Variants in PDE11A observed in about 807,000 individuals in gnomAD.
PDE11A encodes phosphodiesterase 11A, also known as dual 3',5'-cyclic-AMP and -GMP phosphodiesterase 11A.
Under a neutral mutation model 100.5 loss-of-function variants are expected in PDE11A, and 100 were observed. The ratio of observed to expected loss-of-function variants is 1.00; its 90% confidence interval spans 0.85 to 1.18. The LOEUF (loss-of-function observed/expected upper bound fraction) is 1.18, where lower values mean the gene tolerates loss of function less well. PDE11A is among the 50% of genes most tolerant of loss of function. PDE11A has a pLI of 0.00. For synonymous variants in PDE11A, 381 were observed against 420.8 expected, an observed-to-expected ratio of 0.91 and a Z score of 1.16; for missense variants, 1,141 against 1,152.6, an observed-to-expected ratio of 0.99 and a Z score of 0.15.
intron 2 of PDE11A, among the ~76,000 whole-genome samples, chr2:178,002,674 T>C (rs1473687158): frequency 1.3e-5 from 2 of 152,128 alleles, no homozygotes; most frequent in Admixed American, 6.6e-5. Flanking sequence ...TAAAAAATTA[T>C]GCCAGTTACA....
At chr2:178,027,267 A>G (rs1370334444) in intron 1 of PDE11A, among the ~76,000 whole-genome samples, 1 of 152,172 alleles carries the variant, frequency 6.6e-6, no homozygotes, top group African/African-American at 2.4e-5. Flanking sequence ...TAGACACAAT[A>G]CCACTAAAAA....
chr2:177,769,948 G>A (rs1323224735), intron 9 of PDE11A, among the ~76,000 whole-genome samples: 2 of 149,292 alleles, frequency 1.3e-5, no homozygotes, highest in African/African-American at 2.5e-5. Flanking sequence ...CAAAGGATGT[G>A]AATACTTGTC....
intron 1 of PDE11A, among the ~76,000 whole-genome samples, chr2:178,019,741 T>C (rs970355518): frequency 4.6e-5 from 7 of 152,188 alleles, no homozygotes; most frequent in Non-Finnish European, 8.8e-5. Flanking sequence ...AAGTTGAGTC[T>C]GTAGTACTTC....
At chr2:177,936,909 A>G (rs1478083719) in intron 2 of PDE11A, among the ~76,000 whole-genome samples, 1 of 150,684 alleles carries the variant, frequency 6.6e-6, no homozygotes, top group East Asian at 1.9e-4. Context: ...GTGACAAGAG[A>G]AGGATTCCAT....
chr2:177,728,753 A>G (rs1193610510), intron 10 of PDE11A, among the ~76,000 whole-genome samples: 1 of 152,174 alleles, frequency 6.6e-6, no homozygotes, highest in Non-Finnish European at 1.5e-5. Flanking sequence ...GGTTTAGCAT[A>G]AGCCTATGTT....
intron 10 of PDE11A, among the ~76,000 whole-genome samples, chr2:177,746,299 T>C (rs1189306901): frequency 6.6e-6 from 1 of 151,966 alleles, no homozygotes; most frequent in African/African-American, 2.4e-5. Flanking sequence ...CATAGAAAGA[T>C]ACAAAAATTT....
At chr2:177,746,068 T>C (rs1164893120) in intron 10 of PDE11A, among the ~76,000 whole-genome samples, 2 of 152,026 alleles carry the variant, frequency 1.3e-5, no homozygotes, top group African/African-American at 4.8e-5. Flanking sequence ...TAACAAGGCA[T>C]AGGAAGAACC....
rs544898099 is a variant in PDE11A, at chr2:177,843,254, CA to C, written c.1368-2872del. On this transcript the variant is annotated intron_variant, in intron 5 of 19. Transcript: ENST00000286063. Reference sequence around the variant, plus strand: ...CTTTCCCAAGTGGAGATAGAATTTTCACCTAAATCTGACCCCAACATCCTAA... The same window carrying C: ...CTTTCCCAAGTGGAGATAGAATTTTCCCTAAATCTGACCCCAACATCCTAA... Among the ~76,000 whole-genome samples the C allele has an allele frequency of 2.1e-4, 32 of 152,282 alleles. No individual in the cohort carries two copies. In the South Asian group the frequency reaches 6.6e-3, roughly 32 times the overall value.
chr2:177,752,513 C>T (rs562818689), intron 10 of PDE11A, among the ~76,000 whole-genome samples: 1 of 152,262 alleles, frequency 6.6e-6, no homozygotes, highest in African/African-American at 2.4e-5. Flanking sequence ...GATTATAACT[C>T]AGGTCTCCTG....
intron 13 of PDE11A, among the ~76,000 whole-genome samples, chr2:177,706,803 A>C (rs1201389871): frequency 6.6e-6 from 1 of 152,156 alleles, no homozygotes; most frequent in African/African-American, 2.4e-5. Flanking sequence ...AACTCTCTGA[A>C]ATCTAGTACT....
intron 1 of PDE11A, among the ~76,000 whole-genome samples, chr2:178,049,533 G>A (rs1365492130): frequency 6.6e-6 from 1 of 152,214 alleles, no homozygotes; most frequent in Non-Finnish European, 1.5e-5. Flanking sequence ...CATGGAGCAT[G>A]AGCCGAAGCA....
intron 19 of PDE11A, among the ~76,000 whole-genome samples, chr2:177,631,540 TATATATAC>T (rs1325812565): frequency 0.02 from 433 of 21,148 alleles, 32 homozygotes; most frequent in African/African-American, 0.065. Flanking sequence ...TATATATATA[TATATATAC>T]ACATGTATAT....
chr2:177,679,119 A>C (rs1459611788), intron 16 of PDE11A, among the ~76,000 whole-genome samples: 1 of 128,200 alleles, frequency 7.8e-6, no homozygotes. Flanking sequence ...ATTAGGGGCT[A>C]TAAAGAGATC....
chr2:177,770,136 G>C (rs1407955889), intron 9 of PDE11A, among the ~76,000 whole-genome samples: 1 of 152,172 alleles, frequency 6.6e-6, no homozygotes, highest in African/African-American at 2.4e-5. Context: ...AGAGGATTGT[G>C]CTTCCCTGCC....
Position 177,701,152 on chromosome 2 carries a change from A to G in PDE11A, c.2213T>C (p.Phe738Ser). 6.2e-6 allele frequency: 10 copies of G among 1,607,300 alleles called. No individual in the cohort carries two copies. The highest frequency in any genetic ancestry group is 8.5e-6 in the Non-Finnish European group (10 of 1,173,778). Residue 738 changes from phenylalanine (F) to serine (S), a missense_variant, in exon 14 of 20, where the codon TTC (phenylalanine) becomes TCC (serine). Phe to Ser is a radical substitution (Grantham distance 155). Transcript: ENST00000286063. ...GTSATLEHHH[F>S]NHAVMILQSE... ...TTGAAGGATCATCACGGCGTGGTTGAAATGGTGATGCTCCAAGGTAGCAGA... is the reference window on the plus strand; with the variant it reads ...TTGAAGGATCATCACGGCGTGGTTGGAATGGTGATGCTCCAAGGTAGCAGA...
intron 1 of PDE11A, among the ~76,000 whole-genome samples, chr2:178,034,638 C>A (rs1271091974): frequency 6.6e-6 from 1 of 152,206 alleles, no homozygotes; most frequent in East Asian, 1.9e-4. Flanking sequence ...AAGCACTCTT[C>A]AGCAAATGTA....
At chr2:178,034,227 A>G (rs2086582449) in intron 1 of PDE11A, among the ~76,000 whole-genome samples, 1 of 152,176 alleles carries the variant, frequency 6.6e-6, no homozygotes, top group Non-Finnish European at 1.5e-5. Flanking sequence ...GAAAGCAAAA[A>G]GAAAGCAGGG....
chr2:177,646,014 T>C (rs914932238), intron 19 of PDE11A, among the ~76,000 whole-genome samples: 9 of 152,272 alleles, frequency 5.9e-5, no homozygotes, highest in East Asian at 1.9e-4. Context: ...TGCTTATTTA[T>C]ATGCACAAGA....
chr2:178,008,931 A>G (rs750898662), intron 2 of PDE11A, among the ~76,000 whole-genome samples: 1 of 152,210 alleles, frequency 6.6e-6, no homozygotes, highest in East Asian at 1.9e-4. Context: ...AGAAACCTAC[A>G]GAGATTAGCC....
Sources: gnomAD v4.1 joint callset for allele counts (sites outside exome capture counted in the v4.1 genomes callset) on GRCh38, gnomAD v4.1.1 for gene constraint, MANE v1.5 for transcripts, NCBI Gene and HGNC (gene_info 2026-07-23, HGNC 2026-07-21) for gene names.